The following SRGAP3 variants were observed in gnomAD, a reference collection of about 807,000 sequenced individuals.
The protein encoded by SRGAP3 is SLIT-ROBO Rho GTPase-activating protein 3.
Under a neutral mutation model 121.1 loss-of-function variants are expected in SRGAP3, and 39 were observed. The ratio of observed to expected loss-of-function variants is 0.32; its 90% CI spans 0.25 to 0.42. The LOEUF (loss-of-function observed/expected upper bound fraction) is 0.42, where lower values mean the gene tolerates loss of function less well. Ranked by LOEUF, SRGAP3 falls within the 10% of genes least tolerant of loss-of-function variation. The pLI is 1.00. For missense variants in SRGAP3, 1,213 were observed against 1,470.6 expected, an observed-to-expected ratio of 0.82 and a Z score of 2.86; for synonymous variants, 601 against 570.0, an observed-to-expected ratio of 1.05 and a Z score of -0.77.
At chr3:9,125,686 C>A (rs1949197522) in intron 1 of SRGAP3, among the ~76,000 whole-genome samples, 1 of 152,210 alleles carries the variant, frequency 6.6e-6, no homozygotes, top group Non-Finnish European at 1.5e-5. Flanking sequence ...ATGCCAATAA[C>A]CACATCCATT....
chr3:9,309,113 T>C (rs1241160522), intron 3 of SRGAP3, among the ~76,000 whole-genome samples: 4 of 152,230 alleles, frequency 2.6e-5, no homozygotes, highest in Admixed American at 1.3e-4. Context: ...TTTTGGGGAC[T>C]CACTTGCTGT....
intron 18 of SRGAP3, among the ~76,000 whole-genome samples, chr3:9,003,125 C>T (rs1022878014): frequency 6.6e-6 from 1 of 152,158 alleles, no homozygotes; most frequent in African/African-American, 2.4e-5. Context: ...ACAAAGGTAT[C>T]ACAAGAAAAC....
intron 1 of SRGAP3, among the ~76,000 whole-genome samples, chr3:9,231,781 CACTCG>C (rs779287187): frequency 2.0e-5 from 3 of 152,316 alleles, no homozygotes; most frequent in Non-Finnish European, 4.4e-5. Context: ...ATTTCCGCAG[CACTCG>C]AGAGTTTACT....
intron 1 of SRGAP3, chr3:9,219,524 C>G (rs915005283): frequency 4.6e-5 from 7 of 152,202 alleles, no homozygotes; most frequent in African/African-American, 1.7e-4. Flanking sequence ...GAATTCCTAT[C>G]TACAGAATGG....
chr3:9,236,209 C>T (rs376788325), intron 1 of SRGAP3: 4 of 177,366 alleles, frequency 2.3e-5, no homozygotes, highest in East Asian at 9.5e-5. Context: ...ACCTGGAGAG[C>T]TTCTATTCAT....
chr3:9,165,822 C>T (rs547750867), intron 1 of SRGAP3, among the ~76,000 whole-genome samples: 1 of 152,280 alleles, frequency 6.6e-6, no homozygotes, highest in African/African-American at 2.4e-5. Flanking sequence ...CACCATTTGT[C>T]CTTCCTTGAA....
At chr3:9,188,779 T>C (rs1951672292) in intron 1 of SRGAP3, among the ~76,000 whole-genome samples, 2 of 152,138 alleles carry the variant, frequency 1.3e-5, no homozygotes, top group Non-Finnish European at 2.9e-5. Flanking sequence ...AGGGCAAGGC[T>C]CTCTGTGAAT....
chr3:8,981,560 G>C lies in SRGAP3; in HGVS notation c.*3959C>G, dbSNP rs557671158. 4.3e-6 allele frequency: 1 copy of C among 233,058 alleles called. No homozygotes were observed. Among genetic ancestry groups the C allele is most frequent in the South Asian group, 1.8e-4 (1 of 5,520 alleles). 14.4% of individuals were successfully genotyped at this position (233,058 alleles called of 1,614,324 possible). On this transcript the variant is annotated 3_prime_UTR_variant, in exon 22 of 22. Coordinates refer to ENST00000383836, the MANE Select transcript of SRGAP3 (RefSeq NM_014850.4). ...ATGCCACATCACGACCAGGTCACGAGAAGTCCTCCACATTCGTGCCTCCTG... is the reference window on the plus strand; with the variant it reads ...ATGCCACATCACGACCAGGTCACGACAAGTCCTCCACATTCGTGCCTCCTG...
At chr3:9,148,609 T>G (rs554196739) in intron 1 of SRGAP3, among the ~76,000 whole-genome samples, 2 of 152,294 alleles carry the variant, frequency 1.3e-5, no homozygotes, top group South Asian at 2.1e-4. Context: ...TTTGCATCCA[T>G]TATTTATTTG....
At chr3:9,179,728 A>G (rs920673593) in intron 1 of SRGAP3, among the ~76,000 whole-genome samples, 4 of 152,240 alleles carry the variant, frequency 2.6e-5, no homozygotes, top group Non-Finnish European at 2.9e-5. Flanking sequence ...CATAATAACT[A>G]ACAACGTCAT....
At chr3:9,000,012 A>ACTGCTCCCTCCCTCTACTC (rs1421454843) in intron 18 of SRGAP3, among the ~76,000 whole-genome samples, 1 of 152,194 alleles carries the variant, frequency 6.6e-6, no homozygotes, top group African/African-American at 2.4e-5. Context: ...TTGAACCAAG[A>ACTGCTCCCTCCCTCTACTC]CTGCTCCCTC....
intron 3 of SRGAP3, among the ~76,000 whole-genome samples, chr3:9,303,929 T>C (rs1407749644): frequency 6.6e-6 from 1 of 152,156 alleles, no homozygotes; most frequent in Admixed American, 6.5e-5. Context: ...GGGGTCCCCA[T>C]GCCCTTGAGT....
chr3:9,360,528 C>G (rs183315943), intron 1 of SRGAP3, among the ~76,000 whole-genome samples: 1 of 152,334 alleles, frequency 6.6e-6, no homozygotes, highest in East Asian at 1.9e-4. Context: ...CATTTTCACA[C>G]TGCTGATAGA....
At chr3:9,198,218 G>A (rs371575704) in intron 1 of SRGAP3, among the ~76,000 whole-genome samples, 5 of 152,302 alleles carry the variant, frequency 3.3e-5, no homozygotes, top group East Asian at 1.9e-4. Context: ...TTCCAAAAAA[G>A]TTGAACATTC....
intron 3 of SRGAP3, among the ~76,000 whole-genome samples, chr3:9,098,360 T>C (rs1948074339): frequency 6.6e-6 from 1 of 152,086 alleles, no homozygotes; most frequent in Non-Finnish European, 1.5e-5. Flanking sequence ...CAGCTTCAAC[T>C]TCCTGGACTC....
chr3:9,239,607 A>C lies in SRGAP3; in HGVS notation c.67+9278T>G, dbSNP rs763814004. On this transcript the variant is annotated intron_variant, in intron 1 of 21. Coordinates refer to ENST00000383836, the MANE Select transcript of SRGAP3 (RefSeq NM_014850.4). This position sits in a 1 kb window ranked among gnomAD's most constrained non-coding sequence, Gnocchi z 4.0. ...GGAACCTGGAACACTCTGCTGCAGC[A>C]GTGTGCACCCCATTACCATCACGCA... Among the ~76,000 whole-genome samples the C allele has an allele frequency of 7.9e-5, 12 of 152,212 alleles. No homozygotes were observed. Among genetic ancestry groups the C allele is most frequent in the Non-Finnish European group, 1.6e-4 (11 of 68,038 alleles).
intron 1 of SRGAP3, among the ~76,000 whole-genome samples, chr3:9,232,886 A>T (rs1186291): frequency 0.41 from 62,950 of 152,046 alleles, 13,864 homozygotes; most frequent in Admixed American, 0.5. Context: ...CAGGCAAAGA[A>T]AGTGTCATGC....
chr3:9,137,280 G>A (rs1385842977), intron 1 of SRGAP3, among the ~76,000 whole-genome samples: 1 of 152,140 alleles, frequency 6.6e-6, no homozygotes, highest in Non-Finnish European at 1.5e-5. Flanking sequence ...GGGTAGTAAA[G>A]GCCAGGCTTA....
At chr3:9,038,018 A>G (rs1574956333) in intron 11 of SRGAP3, 45 bp downstream of exon 11, 1 of 1,613,482 alleles carries the variant, frequency 6.2e-7, no homozygotes, top group South Asian at 1.1e-5. Flanking sequence ...TCCCACTCCC[A>G]CCTCGGGCAG....
Sources: gnomAD v4.1 joint callset for allele counts (sites outside exome capture counted in the v4.1 genomes callset) on GRCh38, gnomAD v4.1.1 for gene constraint, Gnocchi (gnomAD v3.1) non-coding constraint, MANE v1.5 for transcripts, NCBI Gene and HGNC (gene_info 2026-07-23, HGNC 2026-07-21) for gene names.